The following UPP2 variants were observed in gnomAD, a reference collection of about 807,000 sequenced individuals.
UPP2 encodes the protein uridine phosphorylase 2.
A neutral mutation model predicts 26.7 loss-of-function variants in UPP2; 23 were observed. That is an observed-to-expected ratio of 0.86 (90% CI 0.62 to 1.22). The LOEUF (loss-of-function observed/expected upper bound fraction) is 1.22. Ranked by LOEUF, UPP2 falls within the 50% of genes most tolerant of loss-of-function variation. The probability of loss-of-function intolerance (pLI) is 0.00; values close to 1 mark genes in which losing one functional copy is unlikely to be tolerated. For synonymous variants in UPP2, 127 were observed against 141.3 expected, an observed-to-expected ratio of 0.90 and a Z score of 0.72; for missense variants, 387 against 396.7, an observed-to-expected ratio of 0.98 and a Z score of 0.21.
At chr2:158,039,242 G>A in intron 3 of UPP2, among the ~76,000 whole-genome samples, 1 of 152,144 alleles carries the variant, frequency 6.6e-6, no homozygotes, top group Admixed American at 6.6e-5. Context: ...ACCCACAGGT[G>A]GTAGAAAGGG....
At chr2:157,995,975 A>T (rs185442882) in intron 2 of UPP2, among the ~76,000 whole-genome samples, 3 of 152,268 alleles carry the variant, frequency 2.0e-5, no homozygotes, top group Admixed American at 2.0e-4. Flanking sequence ...ATATATTGCT[A>T]AATTGTCTTC....
intron 3 of UPP2, among the ~76,000 whole-genome samples, chr2:158,040,570 T>C (rs1170715503): frequency 6.6e-6 from 1 of 152,202 alleles, no homozygotes; most frequent in Non-Finnish European, 1.5e-5. Context: ...GGCAAATGGG[T>C]CACTGAAGAA....
intron 3 of UPP2, among the ~76,000 whole-genome samples, chr2:158,029,799 T>C (rs11690279): frequency 0.076 from 11,541 of 151,550 alleles, 553 homozygotes; most frequent in Non-Finnish European, 0.11. Flanking sequence ...TCGTTTCTTT[T>C]TTTTTTTTTT....
chr2:158,017,845 C>T (rs1683684606), intron 3 of UPP2, among the ~76,000 whole-genome samples: 1 of 152,150 alleles, frequency 6.6e-6, no homozygotes. Context: ...GTACATTTTT[C>T]AATGAAGCAC....
chr2:158,125,741 G>A (rs1683679644), intron 6 of UPP2, among the ~76,000 whole-genome samples: 1 of 152,122 alleles, frequency 6.6e-6, no homozygotes, highest in Non-Finnish European at 1.5e-5. Flanking sequence ...TCTTTTGAAG[G>A]TCATTGCTAG....
chr2:158,127,653 T>G (rs1000437646), intron 6 of UPP2, among the ~76,000 whole-genome samples: 4 of 152,106 alleles, frequency 2.6e-5, no homozygotes, highest in African/African-American at 9.7e-5. Flanking sequence ...TATACAAATA[T>G]TTATTTTGCT....
chr2:158,041,397 G>C (rs1684079863), intron 3 of UPP2, among the ~76,000 whole-genome samples: 1 of 151,958 alleles, frequency 6.6e-6, no homozygotes, highest in African/African-American at 2.4e-5. Context: ...ACTTTACATT[G>C]ACTTTTGCTA....
At chr2:158,088,833 C>T (rs1047632764) in intron 3 of UPP2, among the ~76,000 whole-genome samples, 4 of 152,206 alleles carry the variant, frequency 2.6e-5, no homozygotes, top group African/African-American at 9.7e-5. Context: ...TGATGTGGAC[C>T]GTCTTCAGGT....
intron 6 of UPP2, among the ~76,000 whole-genome samples, chr2:158,126,204 T>C (rs1683690679): frequency 6.6e-6 from 1 of 152,230 alleles, no homozygotes; most frequent in African/African-American, 2.4e-5. Context: ...CTCTCTCTGC[T>C]ACCTGCAGGT....
intron 3 of UPP2, among the ~76,000 whole-genome samples, chr2:158,058,897 C>T (rs780402581): frequency 5.3e-5 from 8 of 152,016 alleles, no homozygotes; most frequent in African/African-American, 1.9e-4. Context: ...AGGCACAATG[C>T]CTATGAAAAA....
rs1453467794 is a variant in UPP2 at position 158,117,556 on chromosome 2, TC to T, written c.340-264del. On this transcript the variant is annotated intron_variant, in intron 3 of 6. Coordinates refer to ENST00000005756, the MANE Select transcript of UPP2 (RefSeq NM_173355.4). ...CCTGACACACCTGTATACCACACCA[TC>T]CCCACCTTCTGCTCTTGCTGATGAG... Among the ~76,000 whole-genome samples the T allele has an allele frequency of 3.9e-5, 6 of 151,964 alleles. No individual in the cohort carries two copies. In the East Asian group the frequency reaches 1.2e-3, roughly 29 times the overall value.
chr2:158,121,691 T>G (rs1683571746), intron 5 of UPP2, 73 bp downstream of exon 5: 10 of 1,319,526 alleles, frequency 7.6e-6, no homozygotes, highest in African/African-American at 1.5e-5. Context: ...ACCCATAATT[T>G]ATATTAACAA....
intron 6 of UPP2, among the ~76,000 whole-genome samples, chr2:158,132,465 C>T (rs954994589): frequency 6.6e-6 from 1 of 152,162 alleles, no homozygotes; most frequent in African/African-American, 2.4e-5. Flanking sequence ...CTCATTTAAT[C>T]ATCTGTCGAA....
intron 3 of UPP2, among the ~76,000 whole-genome samples, chr2:158,092,566 A>G (rs1267441116): frequency 6.6e-6 from 1 of 152,234 alleles, no homozygotes; most frequent in Non-Finnish European, 1.5e-5. Flanking sequence ...GAACTATTAT[A>G]TAATGTACTT....
intron 2 of UPP2, among the ~76,000 whole-genome samples, chr2:158,001,063 T>C (rs74898272): frequency 6.6e-6 from 1 of 152,228 alleles, no homozygotes; most frequent in Non-Finnish European, 1.5e-5. Context: ...TGTTTCTCTG[T>C]GCCAAGAGTT....
chr2:158,027,681 G>A (rs1424962201), intron 3 of UPP2, among the ~76,000 whole-genome samples: 2 of 152,166 alleles, frequency 1.3e-5, no homozygotes, highest in African/African-American at 2.4e-5. Context: ...TGGGGGATCT[G>A]ACCCCACATT....
At chr2:158,080,573 G>T (rs1423997806) in intron 3 of UPP2, among the ~76,000 whole-genome samples, 1 of 152,120 alleles carries the variant, frequency 6.6e-6, no homozygotes, top group African/African-American at 2.4e-5. Context: ...TTGGTATATT[G>T]TTAGTCTGTT....
intron 3 of UPP2, among the ~76,000 whole-genome samples, chr2:158,048,192 G>A (rs541116350): frequency 9.2e-5 from 14 of 152,344 alleles, no homozygotes; most frequent in African/African-American, 3.1e-4. Flanking sequence ...ATTGCATTCT[G>A]TGTGGCTGGA....
At chr2:158,013,071 G>A (rs1009169668) in intron 2 of UPP2, among the ~76,000 whole-genome samples, 14 of 151,808 alleles carry the variant, frequency 9.2e-5, no homozygotes, top group Admixed American at 3.3e-4. Flanking sequence ...TGGTGCAATC[G>A]TAGCTCCTGG....
Sources: gnomAD v4.1 joint callset for allele counts (sites outside exome capture counted in the v4.1 genomes callset) on GRCh38, gnomAD v4.1.1 for gene constraint, MANE v1.5 for transcripts, NCBI Gene and HGNC (gene_info 2026-07-23, HGNC 2026-07-21) for gene names.